The following SLC39A11 variants were observed in gnomAD, a reference collection of about 807,000 sequenced individuals.
SLC39A11 encodes zinc transporter ZIP11.
Under a neutral mutation model 36.1 loss-of-function variants are expected in SLC39A11, and 33 were observed. That is an observed-to-expected ratio of 0.91 (90% confidence interval 0.69 to 1.22). The LOEUF (loss-of-function observed/expected upper bound fraction) is 1.22. Among genes scored for constraint, SLC39A11 ranks in the 50% most tolerant of loss-of-function variants. The pLI is 0.00. For synonymous variants in SLC39A11, 166 were observed against 170.3 expected (o/e 0.97, Z 0.20); for missense variants, 432 against 430.3 (o/e 1.00, Z -0.03).
intron 4 of SLC39A11, among the ~76,000 whole-genome samples, chr17:72,994,001 A>G (rs2089347411): frequency 6.6e-6 from 1 of 152,160 alleles, no homozygotes; most frequent in African/African-American, 2.4e-5. Flanking sequence ...GATAGCACCT[A>G]TTCTTGGTCC....
rs558193911 is a variant in SLC39A11, at chr17:73,050,462, C to CT, written c.148-18749dup. ...AGGAGCAGGGAGCCATGTGAACTGACTTTTTTTTTTTTTTTTTTTGAGACA... is the reference window on the plus strand; with the variant it reads ...AGGAGCAGGGAGCCATGTGAACTGACTTTTTTTTTTTTTTTTTTTTGAGACA... On this transcript the variant is annotated intron_variant, in intron 3 of 9. Transcript: ENST00000255559. Among the ~76,000 whole-genome samples, 300 of 124,292 alleles carry CT rather than the reference C, an allele frequency of 2.4e-3. 3 individuals are homozygous for CT. Among genetic ancestry groups the CT allele is most frequent in the East Asian group, 5.5e-3 (24 of 4,388 alleles). 81.5% of individuals were successfully genotyped at this position (124,292 alleles called of 152,430 possible). A position where few individuals can be genotyped will look rare whatever the true frequency, so the allele number is the denominator to read the frequency against.
chr17:72,853,523 C>A (rs187261902), intron 5 of SLC39A11, among the ~76,000 whole-genome samples: 26 of 152,102 alleles, frequency 1.7e-4, no homozygotes, highest in African/African-American at 5.5e-4. Context: ...GCACCACGAG[C>A]AAATTCTAGC....
At chr17:72,681,737 C>T (rs1394405683) in intron 7 of SLC39A11, among the ~76,000 whole-genome samples, 1 of 152,240 alleles carries the variant, frequency 6.6e-6, no homozygotes. Flanking sequence ...AATACCTCCT[C>T]TTCCTCCTCC....
intron 7 of SLC39A11, among the ~76,000 whole-genome samples, chr17:72,651,796 C>T (rs536400856): frequency 6.6e-6 from 1 of 152,312 alleles, no homozygotes; most frequent in South Asian, 2.1e-4. Context: ...TCTCTCCAAC[C>T]TGCAGGCAGA....
rs548038671 is a variant in SLC39A11, at chr17:72,866,134, C to T, written c.431-16330G>A. On this transcript the variant is annotated intron_variant, in intron 5 of 9. Coordinates refer to ENST00000255559, the MANE Select transcript of SLC39A11 (RefSeq NM_139177.4). ...TTGAAGCTTCATCTGTATTGACAGC[C>T]GCTCCCCATCGTTCACGTTACCACC... Among the ~76,000 whole-genome samples the T allele has an allele frequency of 7.2e-5, 11 of 152,276 alleles. No homozygotes were observed. The South Asian group carries it at 1.2e-3, about 17-fold the overall frequency.
intron 6 of SLC39A11, among the ~76,000 whole-genome samples, chr17:72,810,604 G>A (rs1285171787): frequency 6.6e-6 from 1 of 152,154 alleles, no homozygotes; most frequent in Non-Finnish European, 1.5e-5. Context: ...TGCTTAGGAA[G>A]AGCTATCAGG....
At chr17:72,893,311 A>T (rs978428944) in intron 5 of SLC39A11, among the ~76,000 whole-genome samples, 8 of 152,114 alleles carry the variant, frequency 5.3e-5, no homozygotes, top group Non-Finnish European at 1.2e-4. Context: ...AAATACAAAA[A>T]TTAGCCAGGC....
At chr17:72,913,265 G>A (rs1268066621) in intron 5 of SLC39A11, among the ~76,000 whole-genome samples, 1 of 152,088 alleles carries the variant, frequency 6.6e-6, no homozygotes, top group East Asian at 1.9e-4. Context: ...GAAAGAAGTC[G>A]ACACAGCGGA....
intron 4 of SLC39A11, among the ~76,000 whole-genome samples, chr17:73,029,608 G>T (rs1481347921): frequency 2.0e-5 from 3 of 151,694 alleles, no homozygotes. Flanking sequence ...TTGAGACAGG[G>T]TCTTGCTCTG....
At chr17:72,820,357 T>C (rs2077727798) in intron 6 of SLC39A11, among the ~76,000 whole-genome samples, 1 of 151,214 alleles carries the variant, frequency 6.6e-6, no homozygotes, top group South Asian at 2.1e-4. Flanking sequence ...CATGAATACA[T>C]TTGTAGCTGT....
At chr17:72,958,959 C>G (rs1464248845) in intron 4 of SLC39A11, among the ~76,000 whole-genome samples, 5 of 150,930 alleles carry the variant, frequency 3.3e-5, no homozygotes, top group Non-Finnish European at 7.4e-5. Flanking sequence ...ATCAAAACCA[C>G]AATGCAATAG....
intron 6 of SLC39A11, among the ~76,000 whole-genome samples, chr17:72,841,383 C>T (rs1289902398): frequency 5.3e-5 from 8 of 152,122 alleles, no homozygotes; most frequent in African/African-American, 1.9e-4. Flanking sequence ...GAATGAGATC[C>T]GGTCATTTGC....
At chr17:73,000,781 T>G (rs908241897) in intron 4 of SLC39A11, among the ~76,000 whole-genome samples, 2 of 152,250 alleles carry the variant, frequency 1.3e-5, no homozygotes, top group African/African-American at 4.8e-5. Context: ...CATACCTTCC[T>G]ATAGCTCCAA....
At chr17:73,050,305 A>G (rs555136775) in intron 3 of SLC39A11, among the ~76,000 whole-genome samples, 1 of 127,070 alleles carries the variant, frequency 7.9e-6, no homozygotes, top group African/African-American at 3.0e-5. Flanking sequence ...GGTCAGAACA[A>G]GTTTGGTCTG....
chr17:73,023,196 G>T (rs2058413572), intron 4 of SLC39A11, among the ~76,000 whole-genome samples: 1 of 151,634 alleles, frequency 6.6e-6, no homozygotes, highest in African/African-American at 2.4e-5. Context: ...CTGAGCTCCT[G>T]CCACTCTACC....
intron 7 of SLC39A11, among the ~76,000 whole-genome samples, chr17:72,650,246 G>T (rs1440585260): frequency 6.6e-6 from 1 of 152,208 alleles, no homozygotes; most frequent in Non-Finnish European, 1.5e-5. Flanking sequence ...ACAGTGACAG[G>T]CTGTGCTGAT....
chr17:72,887,361 A>C (rs1356611462), intron 5 of SLC39A11, among the ~76,000 whole-genome samples: 2 of 152,206 alleles, frequency 1.3e-5, no homozygotes, highest in East Asian at 3.8e-4. Flanking sequence ...CTCCGTTTTC[A>C]AGCCAATGGG....
chr17:72,847,295 C>T (rs113178850), intron 6 of SLC39A11, among the ~76,000 whole-genome samples: 3 of 151,946 alleles, frequency 2.0e-5, no homozygotes, highest in African/African-American at 4.8e-5. Context: ...CCCAGCTACT[C>T]GGGAGGCCGA....
At chr17:72,870,636 C>A (rs2080561092) in intron 5 of SLC39A11, among the ~76,000 whole-genome samples, 1 of 152,272 alleles carries the variant, frequency 6.6e-6, no homozygotes, top group Admixed American at 6.5e-5. Context: ...CCCCATTCCT[C>A]TACAGGCCAC....
Sources: gnomAD v4.1 joint callset for allele counts (sites outside exome capture counted in the v4.1 genomes callset) on GRCh38, gnomAD v4.1.1 for gene constraint, MANE v1.5 for transcripts, NCBI Gene and HGNC (gene_info 2026-07-23, HGNC 2026-07-21) for gene names.